The following BACH2 variants were observed in gnomAD, a reference collection of about 807,000 sequenced individuals.
BACH2 encodes the protein transcription regulator protein BACH2.
A neutral mutation model predicts 61.8 loss-of-function variants in BACH2; 5 were observed. The ratio of observed to expected loss-of-function variants is 0.08; its 90% CI spans 0.04 to 0.17. The LOEUF is 0.17. Ranked by LOEUF, BACH2 falls within the 10% of genes least tolerant of loss-of-function variation. The probability of loss-of-function intolerance (pLI) is 1.00; values close to 1 mark genes in which losing one functional copy is unlikely to be tolerated. For missense variants in BACH2, 824 were observed against 1,091.1 expected (o/e 0.76, Z 3.45); for synonymous variants, 446 against 440.1 (o/e 1.01, Z -0.17).
At chr6:90,134,206 T>G (rs1784198118) in intron 4 of BACH2, among the ~76,000 whole-genome samples, 1 of 152,170 alleles carries the variant, frequency 6.6e-6, no homozygotes, top group South Asian at 2.1e-4. Flanking sequence ...CACCTGTTGT[T>G]TCCTGACTTT....
intron 6 of BACH2, among the ~76,000 whole-genome samples, chr6:89,989,014 G>A (rs1776391462): frequency 6.6e-6 from 1 of 152,204 alleles, no homozygotes; most frequent in African/African-American, 2.4e-5. Context: ...GAACCAAGGT[G>A]TCATGCTGTG....
intron 3 of BACH2, among the ~76,000 whole-genome samples, chr6:90,215,934 C>T (rs1244772952): frequency 1.3e-5 from 2 of 152,206 alleles, no homozygotes; most frequent in Admixed American, 6.5e-5. Flanking sequence ...CCCAAGTCTG[C>T]CCTCAGTTCT....
At chr6:90,104,038 G>A (rs1782792478) in intron 4 of BACH2, among the ~76,000 whole-genome samples, 1 of 152,126 alleles carries the variant, frequency 6.6e-6, no homozygotes, top group South Asian at 2.1e-4. Flanking sequence ...TGCATCACAG[G>A]GACATACTGA....
At chr6:90,155,490 A>T (rs1055693311) in intron 4 of BACH2, among the ~76,000 whole-genome samples, 6 of 152,248 alleles carry the variant, frequency 3.9e-5, no homozygotes, top group African/African-American at 2.4e-5. Flanking sequence ...AGCATTTAGC[A>T]ATCAGGTTTC....
intron 5 of BACH2, among the ~76,000 whole-genome samples, chr6:90,029,773 C>T (rs1225508708): frequency 6.6e-6 from 1 of 152,204 alleles, no homozygotes; most frequent in Non-Finnish European, 1.5e-5. Flanking sequence ...CCTACGCTCT[C>T]CAGAGCTGCT....
In BACH2 at chr6:90,050,027, C is replaced by T. The variant is rs114621751; in HGVS notation, c.-13+38934G>A. Among the ~76,000 whole-genome samples the T allele has an allele frequency of 5.5e-3, 840 of 152,260 alleles. 8 individuals carry two copies. Among genetic ancestry groups the T allele is most frequent in the African/African-American group, 0.019 (797 of 41,542 alleles). On this transcript the variant is annotated intron_variant, in intron 5 of 8. Transcript: ENST00000257749. ...GGAAAACAACTGACAGTATTTGTTG[C>T]CACTGATAAAATCTAAGCTTTCAAA...
At chr6:90,028,504 G>A (rs1414568274) in intron 5 of BACH2, among the ~76,000 whole-genome samples, 1 of 152,124 alleles carries the variant, frequency 6.6e-6, no homozygotes, top group Non-Finnish European at 1.5e-5. Flanking sequence ...TCATCATGAG[G>A]GGCAGGATCC....
intron 1 of BACH2, among the ~76,000 whole-genome samples, chr6:90,289,319 G>A (rs952730156): frequency 2.6e-5 from 4 of 152,264 alleles, no homozygotes; most frequent in Middle Eastern, 3.4e-3. Context: ...TTAGCTGAGC[G>A]ACACCTATGC....
intron 5 of BACH2, among the ~76,000 whole-genome samples, chr6:90,009,944 C>T (rs763350205): frequency 1.3e-5 from 2 of 152,236 alleles, no homozygotes; most frequent in Admixed American, 6.5e-5. Context: ...GGATTACAGG[C>T]GTGAGCCACT....
At chr6:90,104,183 G>A (rs200886628) in intron 4 of BACH2, among the ~76,000 whole-genome samples, 1 of 152,180 alleles carries the variant, frequency 6.6e-6, no homozygotes, top group East Asian at 1.9e-4. Flanking sequence ...GCTGAGTGAT[G>A]TATCCCCCAA....
chr6:89,959,632 A>G (rs1482466625), intron 6 of BACH2, among the ~76,000 whole-genome samples: 2 of 152,250 alleles, frequency 1.3e-5, no homozygotes, highest in African/African-American at 4.8e-5. Flanking sequence ...CACTACTTTA[A>G]TACAACTTAA....
chr6:89,949,764 G>A lies in BACH2; in HGVS notation c.1836+506C>T, dbSNP rs558530675. Among the ~76,000 whole-genome samples the A allele has an allele frequency of 3.8e-4, 58 of 152,278 alleles. 1 individual carries two copies. The highest frequency in any genetic ancestry group is 1.4e-3 in the African/African-American group (57 of 41,560). ...CATCACCTTCACTGTGATGGACATG[G>A]GATGGCCCTGGGGTCTTCTGTTGAC... is the stretch of plus-strand genomic sequence containing the variant. On this transcript the variant is annotated intron_variant, in intron 7 of 8. Transcript: ENST00000257749.
intron 2 of BACH2, among the ~76,000 whole-genome samples, chr6:90,253,024 C>T (rs995411634): frequency 1.1e-4 from 16 of 152,158 alleles, no homozygotes; most frequent in African/African-American, 3.6e-4. Flanking sequence ...GCAGGCGGAC[C>T]ACTTGAGGTA....
chr6:89,997,564 A>G (rs1453135495), intron 6 of BACH2, among the ~76,000 whole-genome samples: 1 of 152,252 alleles, frequency 6.6e-6, no homozygotes, highest in Non-Finnish European at 1.5e-5. Context: ...TGCACACATC[A>G]GAACGCCTCT....
intron 7 of BACH2, among the ~76,000 whole-genome samples, chr6:89,943,198 G>C (rs899552969): frequency 2.0e-5 from 3 of 152,120 alleles, no homozygotes; most frequent in Non-Finnish European, 4.4e-5. Context: ...CATCTGGACA[G>C]TGCATGGAAC....
chr6:90,116,035 G>A (rs1022351030), intron 4 of BACH2, among the ~76,000 whole-genome samples: 1 of 152,102 alleles, frequency 6.6e-6, no homozygotes, highest in Non-Finnish European at 1.5e-5. Context: ...CAGAGAAAAG[G>A]GAACCCTTAC....
At chr6:90,287,759 T>TAAA (rs1772065698) in intron 1 of BACH2, among the ~76,000 whole-genome samples, 1 of 152,232 alleles carries the variant, frequency 6.6e-6, no homozygotes, top group Non-Finnish European at 1.5e-5. Flanking sequence ...CTATTGTTTT[T>TAAA]ATCTTTAGGG....
rs554356546 is a variant in BACH2, at chr6:90,008,404, A to C, written c.243+198T>G. On this transcript the variant is annotated intron_variant, in intron 6 of 8. Transcript: ENST00000257749. This position sits in a 1 kb window ranked among gnomAD's most constrained non-coding sequence, Gnocchi z 4.1. ...AGGTGAGGTTCAGTTCCCTTCAAGAAAGATATTCACATTCTGTGCCTCTGA... is the reference window on the plus strand; with the variant it reads ...AGGTGAGGTTCAGTTCCCTTCAAGACAGATATTCACATTCTGTGCCTCTGA... 2 of 673,708 alleles carry C rather than the reference A, an allele frequency of 3.0e-6. No individual in the cohort carries two copies. The highest frequency in any genetic ancestry group is 2.9e-5 in the Admixed American group (1 of 34,244). The allele number at this position is 673,708 out of a possible 1,614,324, so 41.7% of individuals were successfully genotyped here. A position where few individuals can be genotyped will look rare whatever the true frequency, so the allele number is the denominator to read the frequency against.
intron 8 of BACH2, among the ~76,000 whole-genome samples, chr6:89,934,939 C>T (rs1259000475): frequency 3.3e-5 from 5 of 151,978 alleles, no homozygotes; most frequent in East Asian, 1.9e-4. Flanking sequence ...GCATGTGTGT[C>T]GGAAAGAGAG....
Sources: allele counts gnomAD v4.1 joint callset (sites outside exome capture counted in the v4.1 genomes callset), GRCh38; gene constraint gnomAD v4.1.1; non-coding constraint Gnocchi (gnomAD v3.1); transcripts MANE v1.5; gene names NCBI Gene and HGNC (gene_info 2026-07-23, HGNC 2026-07-21).